The following FAM169A variants were observed in gnomAD, a reference collection of about 807,000 sequenced individuals.
The protein encoded by FAM169A is soluble lamin-associated protein of 75 kDa.
FAM169A carries 24 observed loss-of-function variants against 75.7 expected under a neutral mutation model. That is an observed-to-expected ratio of 0.32 (90% CI 0.23 to 0.45). FAM169A has a LOEUF of 0.45. FAM169A is among the 20% of genes least tolerant of loss of function. The pLI is 1.00. For missense variants in FAM169A, 673 were observed against 784.0 expected (o/e 0.86, Z 1.69); for synonymous variants, 271 against 271.0 (o/e 1.00, Z 0.00).
intron 6 of FAM169A, among the ~76,000 whole-genome samples, chr5:74,805,592 G>A (rs749999560): frequency 1.2e-4 from 17 of 140,656 alleles, no homozygotes; most frequent in South Asian, 2.3e-4. Context: ...ATGCAGTGGC[G>A]CGATCTCGGC....
rs1021915505 is a variant in FAM169A, at chr5:74,779,739, G to A, written c.*1721C>T. On this transcript the variant is annotated 3_prime_UTR_variant, in exon 13 of 13. Coordinates refer to ENST00000687041, the MANE Select transcript of FAM169A (RefSeq NM_001376049.1). ...TTTGACTAATTAAAGAAAATATAGG[G>A]TAATACAATTGTTCAAAATCTAACA... The A allele has an allele frequency of 1.3e-5, 2 of 151,946 alleles. No homozygotes were observed. The highest frequency in any genetic ancestry group is 6.6e-5 in the Admixed American group (1 of 15,240). The allele number at this position is 151,946 out of a possible 1,614,324, so 9.4% of individuals were successfully genotyped here. A position where few individuals can be genotyped will look rare whatever the true frequency, so the allele number is the denominator to read the frequency against.
At chr5:74,842,783 T>C (rs376931219) in intron 1 of FAM169A, among the ~76,000 whole-genome samples, 3 of 151,922 alleles carry the variant, frequency 2.0e-5, no homozygotes, top group Non-Finnish European at 2.9e-5. Flanking sequence ...CACTAAAGAT[T>C]AGAAAAACAA....
chr5:74,853,996 C>A (rs190696370), intron 1 of FAM169A, among the ~76,000 whole-genome samples: 27 of 151,728 alleles, frequency 1.8e-4, no homozygotes, highest in Non-Finnish European at 1.5e-5. Context: ...CCCAATATAT[C>A]TTTTATTTTT....
chr5:74,804,975 T>C (rs1224516535), intron 7 of FAM169A, among the ~76,000 whole-genome samples, 181 bp downstream of exon 7: 1 of 152,134 alleles, frequency 6.6e-6, no homozygotes, highest in African/African-American at 2.4e-5. Context: ...ATTACCAAAA[T>C]TCAAACCTTA....
intron 1 of FAM169A, among the ~76,000 whole-genome samples, chr5:74,859,755 T>C (rs1032367134): frequency 2.0e-5 from 3 of 152,132 alleles, no homozygotes; most frequent in Non-Finnish European, 2.9e-5. Context: ...TGGTAGCTCA[T>C]GCCTATAATC....
intron 1 of FAM169A, among the ~76,000 whole-genome samples, chr5:74,845,460 G>A (rs1749105567): frequency 6.6e-6 from 1 of 152,178 alleles, no homozygotes; most frequent in Non-Finnish European, 1.5e-5. Flanking sequence ...GGAGGTTGCA[G>A]TGAGCCGAGA....
At chr5:74,849,053 C>T (rs1196354523) in intron 1 of FAM169A, among the ~76,000 whole-genome samples, 1 of 152,108 alleles carries the variant, frequency 6.6e-6, no homozygotes, top group Non-Finnish European at 1.5e-5. Context: ...AAAACTGACA[C>T]AGAATGGACA....
At chr5:74,839,433 C>T (rs1359498939) in intron 3 of FAM169A, among the ~76,000 whole-genome samples, 2 of 152,112 alleles carry the variant, frequency 1.3e-5, no homozygotes, top group Non-Finnish European at 2.9e-5. Context: ...TGCCTGCAAC[C>T]ATGTAAGACG....
intron 2 of FAM169A, 92 bp downstream of exon 2, chr5:74,841,453 A>T: frequency 1.0e-6 from 1 of 971,056 alleles, no homozygotes; most frequent in Non-Finnish European, 1.5e-6. Context: ...ATTAATGATT[A>T]ACACTTAAAA....
intron 8 of FAM169A, among the ~76,000 whole-genome samples, chr5:74,804,024 G>A (rs1746724808): frequency 6.6e-6 from 1 of 152,082 alleles, no homozygotes; most frequent in Non-Finnish European, 1.5e-5. Context: ...ATAGTGTGCT[G>A]CTATGTAACA....
intron 1 of FAM169A, among the ~76,000 whole-genome samples, chr5:74,861,323 T>C (rs559977905): frequency 6.6e-6 from 1 of 152,330 alleles, no homozygotes; most frequent in South Asian, 2.1e-4. Flanking sequence ...TTACCAAATA[T>C]ATACACTGGT....
chr5:74,843,224 G>A (rs1242874809), intron 1 of FAM169A, among the ~76,000 whole-genome samples: 1 of 152,070 alleles, frequency 6.6e-6, no homozygotes, highest in Non-Finnish European at 1.5e-5. Context: ...AAGTGAACAA[G>A]ACAAAAGAGA....
intron 5 of FAM169A, among the ~76,000 whole-genome samples, chr5:74,823,235 T>A (rs1042438821): frequency 1.3e-5 from 2 of 152,194 alleles, no homozygotes; most frequent in African/African-American, 4.8e-5. Context: ...TACTTGTTAG[T>A]CCCACCACCT....
intron 10 of FAM169A, 21 bp from the exon 11 acceptor site, chr5:74,796,207 A>G (rs1746266511): frequency 6.3e-7 from 1 of 1,587,668 alleles, no homozygotes; most frequent in Non-Finnish European, 8.5e-7. Flanking sequence ...AAAGAAAACC[A>G]TTCTGACTTG....
chr5:74,856,931 A>G (rs1749738006), intron 1 of FAM169A, among the ~76,000 whole-genome samples: 1 of 151,620 alleles, frequency 6.6e-6, no homozygotes. Flanking sequence ...AACACGGTGA[A>G]ACCCCATCTC....
At chr5:74,811,937 T>C (rs1293672851) in intron 6 of FAM169A, among the ~76,000 whole-genome samples, 1 of 152,208 alleles carries the variant, frequency 6.6e-6, no homozygotes, top group Non-Finnish European at 1.5e-5. Context: ...TACACACGTA[T>C]GTATTACAAG....
intron 1 of FAM169A, among the ~76,000 whole-genome samples, chr5:74,856,746 C>T (rs911384312): frequency 6.6e-6 from 1 of 150,518 alleles, no homozygotes; most frequent in African/African-American, 2.4e-5. Flanking sequence ...GGAAAAACAT[C>T]CCTACATTTT....
Position 74,866,294 on chromosome 5 carries a change from G to A in FAM169A, c.-133C>T, listed in dbSNP as rs1750340364. 5.1e-6 allele frequency: 5 copies of A among 984,002 alleles called. No homozygotes were observed. Among genetic ancestry groups the A allele is most frequent in the South Asian group, 4.7e-5 (1 of 21,292 alleles). 61.0% of individuals were successfully genotyped at this position (984,002 alleles called of 1,614,324 possible). A position where few individuals can be genotyped will look rare whatever the true frequency, so the allele number is the denominator to read the frequency against. ...AGGCCGCACAGCTCGCGGCTGCCAG[G>A]GCGAGTGCGGCTGCCTCCCGCTCGC... On this transcript the variant is annotated 5_prime_UTR_variant, in exon 1 of 13. Coordinates refer to ENST00000687041, the MANE Select transcript of FAM169A (RefSeq NM_001376049.1).
chr5:74,793,024 A>G (rs546808896), intron 11 of FAM169A, among the ~76,000 whole-genome samples: 1 of 152,320 alleles, frequency 6.6e-6, no homozygotes, highest in Admixed American at 6.5e-5. Context: ...GTGAGTAGAT[A>G]AAGAAAATGT....
Sources: allele counts gnomAD v4.1 joint callset (sites outside exome capture counted in the v4.1 genomes callset), GRCh38; gene constraint gnomAD v4.1.1; transcripts MANE v1.5; gene names NCBI Gene and HGNC (gene_info 2026-07-23, HGNC 2026-07-21).